The following NOVA2 variants were observed in gnomAD, a reference collection of about 807,000 sequenced individuals.
NOVA2 encodes the protein RNA-binding protein Nova-2.
In NOVA2, 9 loss-of-function variants were observed where a neutral mutation model predicts 22.5. That is an observed-to-expected ratio of 0.40 (90% CI 0.24 to 0.70). NOVA2 has a LOEUF of 0.70. NOVA2 is among the 30% of genes least tolerant of loss of function. The pLI is 0.38. For synonymous variants in NOVA2, 318 were observed against 335.2 expected, an observed-to-expected ratio of 0.95 and a Z score of 0.56; for missense variants, 383 against 682.8, an observed-to-expected ratio of 0.56 and a Z score of 4.89.
intron 3 of NOVA2, among the ~76,000 whole-genome samples, chr19:45,943,763 G>A (rs906783136): frequency 6.7e-6 from 1 of 148,934 alleles, no homozygotes; most frequent in Non-Finnish European, 1.5e-5. Context: ...CTGACACAGT[G>A]AGACCCTATC....
chr19:45,962,681 C>G (rs1197705892), intron 1 of NOVA2: 2 of 152,070 alleles, frequency 1.3e-5, no homozygotes, highest in African/African-American at 2.4e-5. Flanking sequence ...CGGCCTTGCT[C>G]TATTGCCCAG....
At chr19:45,965,869 T>C (rs188181749) in intron 1 of NOVA2, among the ~76,000 whole-genome samples, 47 of 152,336 alleles carry the variant, frequency 3.1e-4, no homozygotes, top group African/African-American at 1.1e-3. Context: ...CTGTGATTAA[T>C]GAAATGAGGA....
rs771592016 is a variant in NOVA2 at position 45,940,369 on chromosome 19, T to TGGCGGC, written c.967_972dup (p.Ala323_Ala324dup). On this transcript the variant is annotated inframe_insertion, in exon 4 of 4. Coordinates refer to ENST00000263257, the MANE Select transcript of NOVA2 (RefSeq NM_002516.4). ...TCGCCCGCGTAGGATGCCAGGAGGT[T>TGGCGGC]GGCGGCGGCGGCGGCTGCTGGGTTG... 2.1e-6 allele frequency: 3 copies of TGGCGGC among 1,395,796 alleles called. No individual in the cohort carries two copies. The highest frequency in any genetic ancestry group is 1.5e-5 in the African/African-American group (1 of 65,510). 86.5% of individuals were successfully genotyped at this position (1,395,796 alleles called of 1,614,324 possible). A position where few individuals can be genotyped will look rare whatever the true frequency, so the allele number is the denominator to read the frequency against.
At position 45,973,582 on chromosome 19, in the gene NOVA2, A is replaced by AG. The variant is rs1322843176; in HGVS notation, c.-232dup. 3.6e-4 allele frequency: 5 copies of AG among 13,702 alleles called. No individual in the cohort carries two copies. Among genetic ancestry groups the AG allele is most frequent in the African/African-American group, 1.5e-3 (5 of 3,234 alleles). The allele number at this position is 13,702 out of a possible 1,614,324, so 0.8% of individuals were successfully genotyped here. Reference sequence around the variant, plus strand: ...GGGGGGCGGGGGGCGGGGGAGGGGGAGGGGAGGGGAGGTGGGAGGGGGAGG... The same window carrying AG: ...GGGGGGCGGGGGGCGGGGGAGGGGGAGGGGGAGGGGAGGTGGGAGGGGGAGG... On this transcript the variant is annotated 5_prime_UTR_variant, in exon 1 of 4. Transcript: ENST00000263257.
At position 45,935,150 on chromosome 19, in the gene NOVA2, A is replaced by AGGGGGAAGGGGGGGGGGGGG. The variant is rs1967638626; in HGVS notation, c.*4712_*4713insCCCCCCCCCCCCCTTCCCCC. 1 of 33,222 alleles carries AGGGGGAAGGGGGGGGGGGGG rather than the reference A, an allele frequency of 3.0e-5. No homozygotes were observed. Among genetic ancestry groups the AGGGGGAAGGGGGGGGGGGGG allele is most frequent in the Admixed American group, 3.6e-4 (1 of 2,800 alleles). 2.1% of individuals were successfully genotyped at this position (33,222 alleles called of 1,614,324 possible). ...GGTGGGGTAGGGAAAGGGGTGGGGG[A>AGGGGGAAGGGGGGGGGGGGG]GGGGGGGTTAGGCAGTCCCCCCCCA... On this transcript the variant is annotated 3_prime_UTR_variant, in exon 4 of 4. Transcript: ENST00000263257.
At chr19:45,952,713 T>C (rs901484158) in intron 3 of NOVA2, among the ~76,000 whole-genome samples, 1 of 152,198 alleles carries the variant, frequency 6.6e-6, no homozygotes, top group African/African-American at 2.4e-5. Flanking sequence ...GGGAGAAACC[T>C]GGCGGGGAGC....
chr19:45,965,096 C>T (rs79194418), intron 1 of NOVA2, among the ~76,000 whole-genome samples: 1 of 152,130 alleles, frequency 6.6e-6, no homozygotes, highest in Non-Finnish European at 1.5e-5. Flanking sequence ...TGAATTCATT[C>T]TCTTCCATGG....
chr19:45,945,789 C>T (rs1967827520), intron 3 of NOVA2, among the ~76,000 whole-genome samples: 1 of 151,690 alleles, frequency 6.6e-6, no homozygotes, highest in East Asian at 1.9e-4. Context: ...ACAGAGCTCC[C>T]CATGCTCTAT....
Position 45,940,892 on chromosome 19 carries a change from G to T in NOVA2, c.450C>A (p.Gly150=). 1 of 1,605,216 alleles carries T rather than the reference G, an allele frequency of 6.2e-7. No individual in the cohort carries two copies. Among genetic ancestry groups the T allele is most frequent in the Non-Finnish European group, 8.5e-7 (1 of 1,179,896 alleles). ...GTTCCATCACGGCTTTCACCGTGGCGCCTCCCTTGCCGATGATCAGGCCCG... is the reference window on the plus strand; with the variant it reads ...GTTCCATCACGGCTTTCACCGTGGCTCCTCCCTTGCCGATGATCAGGCCCG... ...STAGLIIGKG[G]ATVKAVMEQS... The change falls in exon 4 of 4, where the codon GGC becomes GGA. Residue 150 remains glycine, a synonymous_variant. Transcript: ENST00000263257.
In NOVA2 at chr19:45,973,749, G is replaced by A. The variant is rs1056350301; in HGVS notation, c.-398C>T. Among the ~76,000 whole-genome samples the A allele has an allele frequency of 1.3e-5, 2 of 151,404 alleles. No individual in the cohort carries two copies. Among genetic ancestry groups the A allele is most frequent in the African/African-American group, 4.8e-5 (2 of 41,330 alleles). The stretch of plus-strand genomic sequence containing the variant: ...CCGAGGGGGGTCTCCGATAGGGCCG[G>A]GAAAGAACTGAGAGGTGGGGTCTCT... On this transcript the variant is annotated 5_prime_UTR_variant, in exon 1 of 4. Transcript: ENST00000263257.
Position 45,940,592 on chromosome 19 carries a change from G to A in NOVA2, c.750C>T (p.Ser250=), listed in dbSNP as rs1417999308. 6 of 1,426,682 alleles carry A rather than the reference G, an allele frequency of 4.2e-6. No individual in the cohort carries two copies. In the African/African-American group the frequency reaches 6.0e-5, roughly 14 times the overall value. 88.4% of individuals were successfully genotyped at this position (1,426,682 alleles called of 1,614,324 possible). Residue 250 remains serine (S), a synonymous_variant, in exon 4 of 4, where the codon TCC becomes TCT. Transcript: ENST00000263257. ...CCAGCCCGGCGGGGCCCAGCAGGCC[G>A]GAGGCGGCGGCGGCCGACGCTGCGG... is the stretch of plus-strand genomic sequence containing the variant. ...AAAAASAAAA[S]GLLGPAGLAG... is the part of the protein sequence containing the mutation.
chr19:45,953,122 G>A (rs1344190196), intron 3 of NOVA2, among the ~76,000 whole-genome samples: 2 of 152,196 alleles, frequency 1.3e-5, no homozygotes, highest in African/African-American at 4.8e-5. Context: ...GCAGCTTTGA[G>A]GGGAGCCCAC....
At chr19:45,945,835 A>ATTG in intron 3 of NOVA2, among the ~76,000 whole-genome samples, 1 of 147,718 alleles carries the variant, frequency 6.8e-6, no homozygotes, top group African/African-American at 2.5e-5. Flanking sequence ...TATTATTATT[A>ATTG]TTATTTTTTT....
Position 45,958,510 on chromosome 19 carries a change from CATGTGTGACA to C in NOVA2, c.229+2490_229+2499del, listed in dbSNP as rs748376943. 3.4e-3 allele frequency among the ~76,000 whole-genome samples: 503 copies of C among 145,812 alleles called. 1 individual carries two copies. The highest frequency in any genetic ancestry group is 0.012 in the African/African-American group (468 of 38,298). ...GTGAATGAGTGTGAGTGTGTGTAAG[CATGTGTGACA>C]ATGTGTGACAGTGTGTGTGACTGTG... On this transcript the variant is annotated intron_variant, in intron 2 of 3. Transcript: ENST00000263257.
At position 45,937,023 on chromosome 19, in the gene NOVA2, T is replaced by C. The variant is rs554001071; in HGVS notation, c.*2840A>G. On this transcript the variant is annotated 3_prime_UTR_variant, in exon 4 of 4. Transcript: ENST00000263257. ...AGGGACTTTCAAGAGATGGCAAAGATGGTGGAGTGAGTTTCCCAAGGTAAA... is the reference window on the plus strand; with the variant it reads ...AGGGACTTTCAAGAGATGGCAAAGACGGTGGAGTGAGTTTCCCAAGGTAAA... 111 of 152,234 alleles carry C rather than the reference T, an allele frequency of 7.3e-4. No individual in the cohort carries two copies. The highest frequency in any genetic ancestry group is 1.3e-3 in the Non-Finnish European group (89 of 68,034). The allele number at this position is 152,234 out of a possible 1,614,324, so 9.4% of individuals were successfully genotyped here. A position where few individuals can be genotyped will look rare whatever the true frequency, so the allele number is the denominator to read the frequency against.
intron 1 of NOVA2, 95 bp downstream of exon 1, chr19:45,973,172 A>G: frequency 2.0e-6 from 1 of 506,644 alleles, no homozygotes; most frequent in East Asian, 4.6e-5. Context: ...TCCCCTCCCC[A>G]GAGCCCTTGC....
chr19:45,952,311 A>T (rs1967938072), intron 3 of NOVA2, among the ~76,000 whole-genome samples: 1 of 152,232 alleles, frequency 6.6e-6, no homozygotes. Flanking sequence ...CAGGTGAGAA[A>T]AATGAGGATT....
intron 3 of NOVA2, among the ~76,000 whole-genome samples, chr19:45,950,670 T>A (rs994867198): frequency 1.1e-4 from 17 of 152,134 alleles, no homozygotes; most frequent in African/African-American, 3.6e-4. Context: ...AATCTTGGAA[T>A]CACAGAGCCA....
At position 45,939,810 on chromosome 19, in the gene NOVA2, G is replaced by A. The variant is rs1188752284; in HGVS notation, c.*53C>T. 3.1e-6 allele frequency: 5 copies of A among 1,603,244 alleles called. No homozygotes were observed. Among genetic ancestry groups the A allele is most frequent in the Admixed American group, 3.4e-5 (2 of 58,722 alleles). ...CAGGAGTTGGGGGGGAGGAGGAGAG[G>A]GAAGAGGAGGAGATGGGAGGAGAGA... On this transcript the variant is annotated 3_prime_UTR_variant, in exon 4 of 4. Transcript: ENST00000263257.
Sources: allele counts gnomAD v4.1 joint callset (sites outside exome capture counted in the v4.1 genomes callset), GRCh38; gene constraint gnomAD v4.1.1; transcripts MANE v1.5; gene names NCBI Gene and HGNC (gene_info 2026-07-23, HGNC 2026-07-21).